ZNF518B: variants seen among roughly 807,000 people sequenced by gnomAD.
ZNF518B encodes zinc finger protein 518B.
In ZNF518B, 23 loss-of-function variants were observed where a neutral mutation model predicts 56.3. The observed-to-expected ratio is 0.41, with a 90% confidence interval of 0.29 to 0.58. The LOEUF is 0.58. ZNF518B is among the 20% of genes least tolerant of loss of function. The probability of loss-of-function intolerance (pLI) is 0.32; values close to 1 mark genes in which losing one functional copy is unlikely to be tolerated. For missense variants in ZNF518B, 1,460 were observed against 1,272.1 expected (o/e 1.15, Z -2.25); for synonymous variants, 529 against 465.9 (o/e 1.14, Z -1.74).
chr4:10,445,968 C>T lies in ZNF518B; in HGVS notation c.361G>A (p.Val121Ile). The change falls in exon 3 of 3, where the codon GTC becomes ATC. Residue 121 changes from valine to isoleucine, a missense_variant. By Grantham distance (29) the Val-to-Ile change is conservative (BLOSUM62 3). Transcript: ENST00000326756. The part of the protein sequence containing the change: ...GNKTENFSSS[V>I]NSKFKVRNFK... Reference sequence around the variant, plus strand: ...TTCCTTACCTTAAATTTGCTATTGACAGAACTTGAGAAGTTTTCAGTTTTA... The same window carrying T: ...TTCCTTACCTTAAATTTGCTATTGATAGAACTTGAGAAGTTTTCAGTTTTA... The T allele has an allele frequency of 1.2e-6, 2 of 1,614,200 alleles. No individual in the cohort carries two copies. The highest frequency in any genetic ancestry group is 1.7e-6 in the Non-Finnish European group (2 of 1,180,038).
chr4:10,443,213 C>G lies in ZNF518B; in HGVS notation c.3116G>C (p.Trp1039Ser). 1.2e-6 allele frequency: 2 copies of G among 1,614,228 alleles called. No homozygotes were observed. Among genetic ancestry groups the G allele is most frequent in the Non-Finnish European group, 1.7e-6 (2 of 1,180,044 alleles). The change falls in exon 3 of 3, where the codon TGG becomes TCG. Residue 1039 changes from tryptophan (W) to serine (S), a missense_variant. Coordinates refer to ENST00000326756, the MANE Select transcript of ZNF518B (RefSeq NM_053042.3). The part of the protein sequence containing the change: ...DDSSQCVFKC[W>S]FCGRLYEDQE... ...GTCTTCATACAGTCGCCCACAAAAC[C>G]AGCACTTAAATACACACTGTGAAGA...
chr4:10,460,324 C>CAAAAAAA (rs1715706695), upstream of ZNF518B, among the ~76,000 whole-genome samples: 1 of 17,398 alleles, frequency 5.7e-5, no homozygotes, highest in Non-Finnish European at 9.3e-5. Flanking sequence ...AAAAAAAAAA[C>CAAAAAAA]CAAAAAAAAA....
chr4:10,455,756 A>C (rs1214765230), intron 1 of ZNF518B, among the ~76,000 whole-genome samples: 1 of 152,240 alleles, frequency 6.6e-6, no homozygotes, highest in Non-Finnish European at 1.5e-5. Flanking sequence ...TCAGCATAGC[A>C]AACTGTCTAC....
chr4:10,454,405 G>A (rs1197772820), intron 2 of ZNF518B: 2 of 152,222 alleles, frequency 1.3e-5, no homozygotes. Flanking sequence ...CACCTGCTGT[G>A]GGCTGCTGTT....
At chr4:10,460,071 G>A (rs140276902), upstream of ZNF518B, among the ~76,000 whole-genome samples, 168 of 152,038 alleles carry the variant, frequency 1.1e-3, no homozygotes, top group African/African-American at 3.8e-3. Flanking sequence ...TTGGGAGGCC[G>A]AGGCGGGCAG....
At chr4:10,461,354 A>T (rs923514084), upstream of ZNF518B, among the ~76,000 whole-genome samples, 1 of 152,158 alleles carries the variant, frequency 6.6e-6, no homozygotes, top group South Asian at 2.1e-4. Context: ...GGAAGCGCGC[A>T]GTGAGGCTAG....
At chr4:10,449,020 CG>C (rs1238961040) in intron 2 of ZNF518B, among the ~76,000 whole-genome samples, 1 of 152,190 alleles carries the variant, frequency 6.6e-6, no homozygotes, top group African/African-American at 2.4e-5. Flanking sequence ...TGCTGATCCT[CG>C]AAATCACACA....
chr4:10,458,595 C>T (rs1416364350), upstream of ZNF518B, among the ~76,000 whole-genome samples: 1 of 152,224 alleles, frequency 6.6e-6, no homozygotes, highest in African/African-American at 2.4e-5. Context: ...CTGCCCTAGG[C>T]TGCAGTGCTC....
chr4:10,455,982 C>A (rs1715508618), intron 1 of ZNF518B, among the ~76,000 whole-genome samples: 1 of 152,152 alleles, frequency 6.6e-6, no homozygotes, highest in Admixed American at 6.5e-5. Flanking sequence ...CTGAACTTTG[C>A]ATATGTGACT....
chr4:10,446,431 G>A lies in ZNF518B; in HGVS notation c.-103C>T, dbSNP rs1295601445. ...TATACAGTTTGTGATGGGTAGGGGC[G>A]CAGCTACTTCTTGGGTGCATACTTA... On this transcript the variant is annotated 5_prime_UTR_variant, in exon 3 of 3. Transcript: ENST00000326756. 1.1e-5 allele frequency: 12 copies of A among 1,098,526 alleles called. No homozygotes were observed. The highest frequency in any genetic ancestry group is 4.7e-5 in the African/African-American group (3 of 63,392). 68.0% of individuals were successfully genotyped at this position (1,098,526 alleles called of 1,614,324 possible).
chr4:10,455,012 G>C (rs899724732), intron 1 of ZNF518B, 24 bp from the exon 2 acceptor site: 3 of 152,234 alleles, frequency 2.0e-5, no homozygotes, highest in Non-Finnish European at 2.9e-5. Context: ...CAAACACTTG[G>C]GTTTAAGTCC....
At chr4:10,457,003 T>G (rs2108999538) in intron 1 of ZNF518B, 1 of 149,670 alleles carries the variant, frequency 6.7e-6, no homozygotes, top group Admixed American at 6.6e-5. Context: ...AAAGGCGAGC[T>G]GGGGGCGCCG....
chr4:10,452,778 A>G (rs184246298), intron 2 of ZNF518B: 78 of 152,338 alleles, frequency 5.1e-4, no homozygotes, highest in African/African-American at 1.6e-3. Context: ...TAAGTGTCAT[A>G]ATCTTTTTGC....
Position 10,445,559 on chromosome 4 carries a change from G to T in ZNF518B, c.770C>A (p.Ser257Ter). 6.2e-7 allele frequency: 1 copy of T among 1,614,138 alleles called. No homozygotes were observed. The highest frequency in any genetic ancestry group is 1.1e-5 in the South Asian group (1 of 91,048). ...GAGAGAGAAACCTGACAGTTGGTCT[G>T]ACCACTTATTTTGAAATGTAGTCCG... ...NPRTTFQNKW[S>*]DQLSGFSLHA... The change falls in exon 3 of 3, where the codon TCA becomes TAA. Residue 257 changes from serine (S) to a stop codon, truncating the protein, a stop_gained. Coordinates refer to ENST00000326756, the MANE Select transcript of ZNF518B (RefSeq NM_053042.3). LOFTEE classifies it high-confidence loss of function.
In ZNF518B at chr4:10,444,610, T is replaced by C. The variant is rs1577221034; in HGVS notation, c.1719A>G (p.Glu573=). The change falls in exon 3 of 3, where the codon GAA becomes GAG. Residue 573 remains glutamate (E), a synonymous_variant. Coordinates refer to ENST00000326756, the MANE Select transcript of ZNF518B (RefSeq NM_053042.3). ...VKVVSSNRKQ[E]DNQTEEHKAV... Reference sequence around the variant, plus strand: ...CCTTGTGTTCCTCTGTCTGGTTATCTTCCTGCTTCCTATTAGAGGAAACCA... The same window carrying C: ...CCTTGTGTTCCTCTGTCTGGTTATCCTCCTGCTTCCTATTAGAGGAAACCA... 6.2e-7 allele frequency: 1 copy of C among 1,614,222 alleles called. No homozygotes were observed. The highest frequency in any genetic ancestry group is 8.5e-7 in the Non-Finnish European group (1 of 1,180,036).
upstream of ZNF518B, among the ~76,000 whole-genome samples, chr4:10,458,600 G>A (rs967668369): frequency 2.0e-5 from 3 of 152,230 alleles, no homozygotes; most frequent in Non-Finnish European, 2.9e-5. Context: ...CTAGGCTGCA[G>A]TGCTCCTAAC....
At chr4:10,451,986 C>T (rs906275797) in intron 2 of ZNF518B, 4 of 152,238 alleles carry the variant, frequency 2.6e-5, no homozygotes, top group African/African-American at 9.6e-5. Context: ...TGGACCACCA[C>T]ATACATTTCT....
Position 10,444,946 on chromosome 4 carries a change from C to T in ZNF518B, c.1383G>A (p.Glu461=). ...ACAAATTATTTTTTTTCTGAAAATC[C>T]TCAATTGTTTCCGAATTAATGAAGG... is the stretch of plus-strand genomic sequence containing the variant. The part of the protein sequence containing the change: ...GKSFINSETI[E]DFQKKNNLYP... The change falls in exon 3 of 3, where the codon GAG becomes GAA. Residue 461 remains glutamate (E), a synonymous_variant. Coordinates refer to ENST00000326756, the MANE Select transcript of ZNF518B (RefSeq NM_053042.3). 6.2e-7 allele frequency: 1 copy of T among 1,611,174 alleles called. No individual in the cohort carries two copies. The highest frequency in any genetic ancestry group is 8.5e-7 in the Non-Finnish European group (1 of 1,179,190).
intron 2 of ZNF518B, chr4:10,452,042 C>A (rs1715336942): frequency 6.6e-6 from 1 of 152,228 alleles, no homozygotes; most frequent in Admixed American, 6.5e-5. Flanking sequence ...ACTGTGACTG[C>A]ATCGTTTTTG....
Sources: gnomAD v4.1 joint callset for allele counts (sites outside exome capture counted in the v4.1 genomes callset) on GRCh38, gnomAD v4.1.1 for gene constraint, MANE v1.5 for transcripts, NCBI Gene and HGNC (gene_info 2026-07-23, HGNC 2026-07-21) for gene names.